LZTS1: variants seen among roughly 807,000 people sequenced by gnomAD.
LZTS1 encodes leucine zipper putative tumor suppressor 1.
LZTS1 carries 31 observed loss-of-function variants against 45.8 expected under a neutral mutation model. The ratio of observed to expected loss-of-function variants is 0.68; its 90% CI spans 0.51 to 0.91. The LOEUF is 0.91. LZTS1 is among the 40% of genes least tolerant of loss of function. LZTS1 has a pLI of 0.00. For missense variants in LZTS1, 821 were observed against 788.9 expected, an observed-to-expected ratio of 1.04 and a Z score of -0.49; for synonymous variants, 359 against 357.3, an observed-to-expected ratio of 1.00 and a Z score of -0.05.
chr8:20,272,623 C>T (rs2128896135), intron 1 of LZTS1, among the ~76,000 whole-genome samples: 1 of 152,318 alleles, frequency 6.6e-6, no homozygotes, highest in Admixed American at 6.5e-5. Flanking sequence ...CTGTACCCAC[C>T]TCTGCTGCCA....
chr8:20,297,132 G>A (rs923058305), intron 1 of LZTS1, among the ~76,000 whole-genome samples: 4 of 152,160 alleles, frequency 2.6e-5, no homozygotes, highest in African/African-American at 9.7e-5. Flanking sequence ...AGCTACCAGT[G>A]AAGAGACTGC....
intron 2 of LZTS1, among the ~76,000 whole-genome samples, chr8:20,253,876 C>T (rs1176238799): frequency 6.6e-6 from 1 of 152,164 alleles, no homozygotes. Context: ...CATCTTGAGG[C>T]TCCTGCTCTA....
At position 20,253,355 on chromosome 8, in the gene LZTS1, C is replaced by A. The variant is rs767209334; in HGVS notation, c.576G>T (p.Gln192His). 1 of 1,613,536 alleles carries A rather than the reference C, an allele frequency of 6.2e-7. No homozygotes were observed. Among genetic ancestry groups the A allele is most frequent in the Non-Finnish European group, 8.5e-7 (1 of 1,179,828 alleles). The change falls in exon 3 of 4, where the codon CAG becomes CAT. Residue 192 changes from glutamine to histidine, a missense_variant. Coordinates refer to ENST00000381569, the MANE Select transcript of LZTS1 (RefSeq NM_021020.5). ...CCACGGGTGTGACCAGCGGGTCCAG[C>A]TGGTAGCTGCTGCTGGTGCTGTGTG... ...LPTHSTSSSY[Q>H]LDPLVTPVGP...
chr8:20,279,398 T>G (rs1800642366), intron 1 of LZTS1, among the ~76,000 whole-genome samples: 2 of 152,080 alleles, frequency 1.3e-5, no homozygotes, highest in Non-Finnish European at 2.9e-5. Flanking sequence ...AGTGGGCTGG[T>G]GACAGGAAAA....
intron 1 of LZTS1, among the ~76,000 whole-genome samples, chr8:20,278,337 C>T (rs1458235995): frequency 6.6e-6 from 1 of 152,164 alleles, no homozygotes; most frequent in African/African-American, 2.4e-5. Flanking sequence ...CTTCAGTAAA[C>T]CCACGGTGCA....
At chr8:20,258,548 G>A (rs1028396079) in intron 1 of LZTS1, among the ~76,000 whole-genome samples, 10 of 152,242 alleles carry the variant, frequency 6.6e-5, no homozygotes, top group South Asian at 4.1e-4. Context: ...ACAAAACTTC[G>A]TTGTGTAAGT....
chr8:20,291,447 A>G (rs1381630697), intron 1 of LZTS1, among the ~76,000 whole-genome samples: 3 of 152,174 alleles, frequency 2.0e-5, no homozygotes, highest in Non-Finnish European at 4.4e-5. Flanking sequence ...AGCTTCTACT[A>G]TGCTTCATGT....
intron 1 of LZTS1, among the ~76,000 whole-genome samples, chr8:20,261,042 C>T (rs1304890813): frequency 2.0e-5 from 3 of 152,212 alleles, no homozygotes; most frequent in Admixed American, 1.3e-4. Context: ...GTCCAACCTG[C>T]TGTCTCTGCC....
intron 1 of LZTS1, among the ~76,000 whole-genome samples, chr8:20,277,715 C>A (rs77201510): frequency 0.018 from 2,725 of 152,286 alleles, 23 homozygotes; most frequent in Non-Finnish European, 0.029. Context: ...GGTGGGCGAA[C>A]TGTCCTAAAA....
intron 1 of LZTS1, among the ~76,000 whole-genome samples, chr8:20,258,052 G>A (rs1197377694): frequency 6.6e-6 from 1 of 152,138 alleles, no homozygotes. Context: ...CACCAGACAG[G>A]AGAAATTGGG....
At chr8:20,267,660 C>T (rs896742320) in intron 1 of LZTS1, among the ~76,000 whole-genome samples, 18 of 152,062 alleles carry the variant, frequency 1.2e-4, no homozygotes, top group African/African-American at 2.7e-4. Context: ...GGACTACAGG[C>T]GCTCACGCCA....
At chr8:20,279,134 C>T (rs1800638442) in intron 1 of LZTS1, among the ~76,000 whole-genome samples, 1 of 152,236 alleles carries the variant, frequency 6.6e-6, no homozygotes, top group African/African-American at 2.4e-5. Flanking sequence ...GCTCAAATGT[C>T]ACTTCCTCCA....
In LZTS1 at chr8:20,249,438, C is replaced by G. The variant is rs1799821512; in HGVS notation, c.*284G>C. ...GAGGATATCTATTTCGAACAAAGGC[C>G]AAAGTTTAGGGAGCCCTTAACCAAA... On this transcript the variant is annotated 3_prime_UTR_variant, in exon 4 of 4. Transcript: ENST00000381569. The G allele has an allele frequency of 5.1e-6, 2 of 393,658 alleles. No individual in the cohort carries two copies. The highest frequency in any genetic ancestry group is 2.0e-5 in the African/African-American group (1 of 49,508). The allele number at this position is 393,658 out of a possible 1,614,324, so 24.4% of individuals were successfully genotyped here.
At chr8:20,290,066 A>G (rs944123906) in intron 1 of LZTS1, 1 of 152,240 alleles carries the variant, frequency 6.6e-6, no homozygotes, top group African/African-American at 2.4e-5. Context: ...ACAAGTAACA[A>G]ACTCAGCATC....
intron 1 of LZTS1, among the ~76,000 whole-genome samples, chr8:20,258,695 C>A (rs931214940): frequency 1.3e-4 from 20 of 152,192 alleles, no homozygotes; most frequent in African/African-American, 4.1e-4. Context: ...AGCTCTGGAA[C>A]ATTTACTCAA....
chr8:20,280,519 A>C (rs1800667606), intron 1 of LZTS1, among the ~76,000 whole-genome samples: 1 of 152,192 alleles, frequency 6.6e-6, no homozygotes, highest in Non-Finnish European at 1.5e-5. Flanking sequence ...AGGCGCGTGC[A>C]CATGTGTTCA....
chr8:20,256,346 GAGCCCCTGGATGGCTTTAAGC>G (rs1237675844), intron 1 of LZTS1, among the ~76,000 whole-genome samples: 1 of 152,178 alleles, frequency 6.6e-6, no homozygotes, highest in Non-Finnish European at 1.5e-5. Flanking sequence ...TTGAGACAAG[GAGCCCCTGGATGGCTTTAAGC>G]AGCTGACACC....
At chr8:20,261,875 G>C (rs1800238969) in intron 1 of LZTS1, among the ~76,000 whole-genome samples, 2 of 152,136 alleles carry the variant, frequency 1.3e-5, no homozygotes, top group South Asian at 4.1e-4. Flanking sequence ...GAGATGTTCA[G>C]CCTCCAGCCA....
chr8:20,293,779 T>A (rs1319458446), intron 1 of LZTS1, among the ~76,000 whole-genome samples: 2 of 151,856 alleles, frequency 1.3e-5, no homozygotes, highest in African/African-American at 4.8e-5. Flanking sequence ...CAAAAAAATT[T>A]AAAAATGGGC....
Sources: allele counts gnomAD v4.1 joint callset (sites outside exome capture counted in the v4.1 genomes callset), GRCh38; gene constraint gnomAD v4.1.1; transcripts MANE v1.5; gene names NCBI Gene and HGNC (gene_info 2026-07-23, HGNC 2026-07-21).